Variants in DOCK10 observed in about 807,000 individuals in gnomAD.
DOCK10 encodes dedicator of cytokinesis protein 10.
A neutral mutation model predicts 280.1 loss-of-function variants in DOCK10; 145 were observed. That is an observed-to-expected ratio of 0.52 (90% CI 0.45 to 0.59). The LOEUF (loss-of-function observed/expected upper bound fraction) is 0.59. Ranked by LOEUF, DOCK10 falls within the 20% of genes least tolerant of loss-of-function variation. The pLI is 0.00. For missense variants in DOCK10, 2,368 were observed against 2,651.7 expected (o/e 0.89, Z 2.35); for synonymous variants, 915 against 942.2 (o/e 0.97, Z 0.53).
intron 27 of DOCK10, among the ~76,000 whole-genome samples, chr2:224,827,761 T>C (rs935991161): frequency 6.6e-6 from 1 of 152,020 alleles, no homozygotes; most frequent in South Asian, 2.1e-4. Flanking sequence ...TCTCCAGAAG[T>C]GGAGAGCAGA....
At chr2:225,026,512 C>A (rs539301868) in intron 1 of DOCK10, among the ~76,000 whole-genome samples, 9 of 152,264 alleles carry the variant, frequency 5.9e-5, no homozygotes, top group Admixed American at 1.3e-4. Context: ...GTAGCCTTGC[C>A]AGTACTTGGA....
intron 1 of DOCK10, among the ~76,000 whole-genome samples, chr2:224,937,216 T>C: frequency 6.6e-6 from 1 of 152,172 alleles, no homozygotes; most frequent in East Asian, 1.9e-4. Flanking sequence ...AGTTGGAAGT[T>C]CAGGATTTCT....
chr2:224,908,042 A>ATGTG (rs149316414), intron 3 of DOCK10, among the ~76,000 whole-genome samples: 35 of 150,974 alleles, frequency 2.3e-4, no homozygotes, highest in Non-Finnish European at 3.8e-4. Flanking sequence ...AAGACTCTGA[A>ATGTG]TGTGTGTGTG....
intron 40 of DOCK10, among the ~76,000 whole-genome samples, chr2:224,801,230 T>C (rs1013409787): frequency 4.7e-5 from 6 of 128,000 alleles, no homozygotes. Context: ...CTTTACAGAA[T>C]GCAAAATTTT....
At chr2:224,994,197 A>G (rs922037659) in intron 1 of DOCK10, among the ~76,000 whole-genome samples, 1 of 152,254 alleles carries the variant, frequency 6.6e-6, no homozygotes, top group Non-Finnish European at 1.5e-5. Context: ...CTTCAAAATC[A>G]AGTTTAATAT....
At chr2:224,768,885 A>G (rs1351097712) in intron 55 of DOCK10, 4 of 456,548 alleles carry the variant, frequency 8.8e-6, no homozygotes, top group Non-Finnish European at 1.8e-5. Context: ...TTTTGCTTAC[A>G]GTACTGAGGG....
intron 1 of DOCK10, among the ~76,000 whole-genome samples, chr2:224,966,300 C>A (rs1290600144): frequency 8.1e-6 from 1 of 123,716 alleles, no homozygotes; most frequent in East Asian, 2.9e-4. Context: ...CACCCCCCAC[C>A]CCCCGTGGCC....
chr2:224,844,110 G>C (rs1559540973), intron 22 of DOCK10, among the ~76,000 whole-genome samples: 1 of 152,158 alleles, frequency 6.6e-6, no homozygotes, highest in Non-Finnish European at 1.5e-5. Context: ...TTCAGGTAAA[G>C]ATCTGAAGTC....
intron 14 of DOCK10, among the ~76,000 whole-genome samples, chr2:224,857,362 T>G (rs1697217787): frequency 6.6e-6 from 1 of 152,166 alleles, no homozygotes; most frequent in Admixed American, 6.5e-5. Context: ...CACTTCAATT[T>G]GGGTGGCACT....
At chr2:224,971,266 G>C (rs902681287) in intron 1 of DOCK10, among the ~76,000 whole-genome samples, 1 of 152,130 alleles carries the variant, frequency 6.6e-6, no homozygotes, top group Non-Finnish European at 1.5e-5. Context: ...AGTCAACAGA[G>C]ACACGGAGGG....
At chr2:224,802,093 A>G in intron 39 of DOCK10, 53 bp from the exon 40 acceptor site, 1 of 1,567,890 alleles carries the variant, frequency 6.4e-7, no homozygotes, top group African/African-American at 1.4e-5. Context: ...GTTATAGCCA[A>G]ATAACACTTG....
intron 3 of DOCK10, among the ~76,000 whole-genome samples, chr2:224,914,171 T>C (rs1340222987): frequency 1.3e-5 from 2 of 152,242 alleles, no homozygotes; most frequent in African/African-American, 2.4e-5. Flanking sequence ...TTGGCCACTC[T>C]TCCCCAGAGA....
At chr2:224,827,364 A>T (rs1018684394) in intron 27 of DOCK10, among the ~76,000 whole-genome samples, 1 of 152,136 alleles carries the variant, frequency 6.6e-6, no homozygotes, top group Non-Finnish European at 1.5e-5. Context: ...TCCTGAAAGA[A>T]AACTAGGGTG....
At chr2:224,775,292 T>C (rs1477360592) in intron 51 of DOCK10, among the ~76,000 whole-genome samples, 177 bp from the exon 52 acceptor site, 1 of 152,160 alleles carries the variant, frequency 6.6e-6, no homozygotes, top group Admixed American at 6.5e-5. Context: ...AAGGCTGGAC[T>C]GCAGCTGAGC....
At chr2:224,880,160 A>G (rs1455593039) in intron 7 of DOCK10, among the ~76,000 whole-genome samples, 9 of 152,240 alleles carry the variant, frequency 5.9e-5, no homozygotes, top group East Asian at 1.9e-4. Context: ...GGCTTCAACA[A>G]TATAATCACA....
At chr2:224,827,275 A>G (rs1342571358) in intron 27 of DOCK10, among the ~76,000 whole-genome samples, 3 of 151,976 alleles carry the variant, frequency 2.0e-5, no homozygotes, top group African/African-American at 7.2e-5. Flanking sequence ...AAAAAAAAAA[A>G]AAAAGTAAAG....
chr2:224,813,086 C>G (rs533198570), intron 31 of DOCK10, among the ~76,000 whole-genome samples: 1 of 152,168 alleles, frequency 6.6e-6, no homozygotes, highest in African/African-American at 2.4e-5. Flanking sequence ...CTTAATTGTT[C>G]TCATCGCACA....
chr2:224,765,262 C>T lies in DOCK10; in HGVS notation c.*459G>A, dbSNP rs1330760468. On this transcript the variant is annotated 3_prime_UTR_variant, in exon 56 of 56. Transcript: ENST00000258390. The stretch of plus-strand genomic sequence containing the variant: ...CACAAATATTTTAATATAATGGTAT[C>T]TGAAATGTTATTCATATATTTTTAG... 1 of 152,890 alleles carries T rather than the reference C, an allele frequency of 6.5e-6. No individual in the cohort carries two copies. The highest frequency in any genetic ancestry group is 1.5e-5 in the Non-Finnish European group (1 of 68,284). 9.5% of individuals were successfully genotyped at this position (152,890 alleles called of 1,614,324 possible).
At chr2:224,898,862 A>G (rs1186877248) in intron 3 of DOCK10, among the ~76,000 whole-genome samples, 1 of 152,226 alleles carries the variant, frequency 6.6e-6, no homozygotes, top group Admixed American at 6.5e-5. Context: ...GGCGTGAGCC[A>G]CCGCACCGGG....
Sources: gnomAD v4.1 joint callset for allele counts (sites outside exome capture counted in the v4.1 genomes callset) on GRCh38, gnomAD v4.1.1 for gene constraint, MANE v1.5 for transcripts, NCBI Gene and HGNC (gene_info 2026-07-23, HGNC 2026-07-21) for gene names.